The following SH3KBP1 variants were observed in gnomAD, a reference collection of about 807,000 sequenced individuals.
SH3KBP1 encodes the protein SH3 domain containing kinase binding protein 1.
A neutral mutation model predicts 50.1 loss-of-function variants in SH3KBP1; 8 were observed. The ratio of observed to expected loss-of-function variants is 0.16; its 90% CI spans 0.09 to 0.29. The LOEUF (loss-of-function observed/expected upper bound fraction) is 0.29. SH3KBP1 is among the 10% of genes least tolerant of loss of function. The pLI is 1.00. For synonymous variants in SH3KBP1, 227 were observed against 218.6 expected, an observed-to-expected ratio of 1.04 and a Z score of -0.34; for missense variants, 377 against 535.2, an observed-to-expected ratio of 0.70 and a Z score of 2.92.
At chrX:19,776,338 GGAAA>G (rs1434090722) in intron 2 of SH3KBP1, among the ~76,000 whole-genome samples, 2 of 109,555 alleles carry the variant, frequency 1.8e-5, no homozygotes, top group Non-Finnish European at 3.8e-5. Context: ...AAAGCAGGAG[GGAAA>G]GACTGCCTCA....
chrX:19,887,334 C>T lies in SH3KBP1; in HGVS notation c.-24G>A. The stretch of plus-strand genomic sequence containing the variant: ...ATTGGCGTCGAGCCGGGCCGGGCCG[C>T]CGAGGCAGCGTGAAAGTTGGCGGAG... On this transcript the variant is annotated 5_prime_UTR_variant, in exon 1 of 18. Transcript: ENST00000397821. 1 of 975,363 alleles carries T rather than the reference C, an allele frequency of 1.0e-6. No homozygotes were observed. The highest frequency in any genetic ancestry group is 1.3e-6 in the Non-Finnish European group (1 of 774,719). The allele number at this position is 975,363 out of a possible 1,213,427, so 80.4% of individuals were successfully genotyped here. A position where few individuals can be genotyped will look rare whatever the true frequency, so the allele number is the denominator to read the frequency against.
At chrX:19,820,069 C>A (rs1417453942) in intron 2 of SH3KBP1, among the ~76,000 whole-genome samples, 2 of 111,891 alleles carry the variant, frequency 1.8e-5, no homozygotes, top group Non-Finnish European at 3.8e-5. Flanking sequence ...GGTCAAAGAA[C>A]ACCTTTTTTA....
At chrX:19,668,390 C>T (rs761510403) in intron 6 of SH3KBP1, among the ~76,000 whole-genome samples, 5 of 106,695 alleles carry the variant, frequency 4.7e-5, no homozygotes, top group Non-Finnish European at 9.7e-5. Flanking sequence ...GCCTATAGTC[C>T]CAGCTACTCA....
chrX:19,768,771 T>C lies in SH3KBP1; in HGVS notation c.163-22330A>G, dbSNP rs149067142. On this transcript the variant is annotated intron_variant, in intron 2 of 17. Coordinates refer to ENST00000397821, the MANE Select transcript of SH3KBP1 (RefSeq NM_031892.3). The stretch of plus-strand genomic sequence containing the variant: ...TTGCATCCTTTCATCAGTAATCCCA[T>C]GGTCTGATTTATGGGTGAACATATG... Among the ~76,000 whole-genome samples the C allele has an allele frequency of 2.8e-3, 309 of 109,329 alleles. 1 individual carries two copies. Among genetic ancestry groups the C allele is most frequent in the African/African-American group, 9.8e-3 (294 of 30,047 alleles). The allele number at this position is 109,329 out of a possible 115,157, so 94.9% of individuals were successfully genotyped here.
chrX:19,541,826 G>A (rs2064913061), intron 16 of SH3KBP1, 99 bp downstream of exon 16: 3 of 1,010,818 alleles, frequency 3.0e-6, no homozygotes, highest in South Asian at 2.3e-5. Context: ...GACCAGGCCC[G>A]CCCTCCAAGG....
chrX:19,653,876 T>C (rs1338593322), intron 6 of SH3KBP1, among the ~76,000 whole-genome samples: 1 of 109,478 alleles, frequency 9.1e-6, no homozygotes, highest in African/African-American at 3.3e-5. Flanking sequence ...GGTTTACTTC[T>C]GATTGCTGCT....
chrX:19,781,435 T>G (rs1447223773), intron 2 of SH3KBP1, among the ~76,000 whole-genome samples: 1 of 109,986 alleles, frequency 9.1e-6, no homozygotes, highest in Non-Finnish European at 1.9e-5. Context: ...CTAGGCAACA[T>G]AGTGAAACCC....
At chrX:19,874,068 A>AAAAAAAAAAAAAAAATAT (rs1491537486) in intron 1 of SH3KBP1, among the ~76,000 whole-genome samples, 1 of 57,035 alleles carries the variant, frequency 1.8e-5, no homozygotes, top group African/African-American at 1.6e-4. Context: ...AAAAAAAAAA[A>AAAAAAAAAAAAAAAATAT]ATATATATAT....
intron 10 of SH3KBP1, among the ~76,000 whole-genome samples, chrX:19,593,447 A>C (rs1294406483): frequency 9.0e-6 from 1 of 111,399 alleles, no homozygotes; most frequent in Non-Finnish European, 1.9e-5. Flanking sequence ...AATCAAACGC[A>C]AGGAAAGTTG....
At chrX:19,788,859 C>T (rs920046840) in intron 2 of SH3KBP1, among the ~76,000 whole-genome samples, 1 of 112,874 alleles carries the variant, frequency 8.9e-6, no homozygotes, top group African/African-American at 3.2e-5. Flanking sequence ...GGCACGGTGG[C>T]TCACGCCTGT....
At chrX:19,760,546 C>G (rs143550877) in intron 2 of SH3KBP1, among the ~76,000 whole-genome samples, 178 of 108,930 alleles carry the variant, frequency 1.6e-3, no homozygotes, top group African/African-American at 5.4e-3. Flanking sequence ...ACCCTGTAAC[C>G]ATGGTTACAT....
chrX:19,577,922 G>C (rs1289912033), intron 12 of SH3KBP1, among the ~76,000 whole-genome samples: 1 of 110,742 alleles, frequency 9.0e-6, no homozygotes, highest in Admixed American at 9.6e-5. Context: ...GAGTGTTTGG[G>C]CTTCAACTGC....
chrX:19,588,614 C>T (rs1410770395), intron 12 of SH3KBP1, 29 bp downstream of exon 12: 1 of 1,204,832 alleles, frequency 8.3e-7, no homozygotes, highest in African/African-American at 1.8e-5. Context: ...CACCCCACAC[C>T]CGCCCCGGAG....
At chrX:19,798,836 G>A (rs1447313217) in intron 2 of SH3KBP1, among the ~76,000 whole-genome samples, 1 of 112,407 alleles carries the variant, frequency 8.9e-6, no homozygotes, top group Non-Finnish European at 1.9e-5. Flanking sequence ...TGGAAAAGGA[G>A]AAGGATGGCA....
chrX:19,778,533 G>A (rs2066061631), intron 2 of SH3KBP1, among the ~76,000 whole-genome samples: 2 of 110,535 alleles, frequency 1.8e-5, no homozygotes, highest in Non-Finnish European at 3.8e-5. Context: ...CTGGCAATCG[G>A]GCAGATACGA....
chrX:19,595,594 T>G (rs993042759), intron 9 of SH3KBP1, among the ~76,000 whole-genome samples: 15 of 110,900 alleles, frequency 1.4e-4, no homozygotes, highest in East Asian at 5.6e-4. Flanking sequence ...TGGTTTGTTT[T>G]TTTTTTTTTT....
chrX:19,690,511 G>A (rs1422250303), intron 5 of SH3KBP1, among the ~76,000 whole-genome samples: 2 of 112,272 alleles, frequency 1.8e-5, no homozygotes, highest in Non-Finnish European at 3.8e-5. Context: ...TTCTCCCTCT[G>A]AAGATTGTGA....
intron 6 of SH3KBP1, among the ~76,000 whole-genome samples, chrX:19,662,270 T>G (rs2062480076): frequency 8.9e-6 from 1 of 112,266 alleles, no homozygotes; most frequent in African/African-American, 3.2e-5. Flanking sequence ...CAATTCATGC[T>G]GTTCCAAATA....
At chrX:19,763,945 G>A (rs113667234) in intron 2 of SH3KBP1, among the ~76,000 whole-genome samples, 1,962 of 104,985 alleles carry the variant, frequency 0.019, 52 homozygotes, top group African/African-American at 0.058. Context: ...GAGCCCAGGA[G>A]GTGGAGGTTG....
Sources: gnomAD v4.1 joint callset for allele counts (sites outside exome capture counted in the v4.1 genomes callset) on GRCh38, gnomAD v4.1.1 for gene constraint, MANE v1.5 for transcripts, NCBI Gene and HGNC (gene_info 2026-07-23, HGNC 2026-07-21) for gene names.